Variants in CCDC3 observed in about 807,000 individuals in gnomAD.
CCDC3 encodes the protein coiled-coil domain containing 3.
Under a neutral mutation model 21.4 loss-of-function variants are expected in CCDC3, and 24 were observed. The observed-to-expected ratio is 1.12, with a 90% confidence interval of 0.81 to 1.58. The LOEUF (loss-of-function observed/expected upper bound fraction) is 1.58. Among genes scored for constraint, CCDC3 ranks in the 40% most tolerant of loss-of-function variants. The probability of loss-of-function intolerance (pLI) is 0.00; values close to 1 mark genes in which losing one functional copy is unlikely to be tolerated. For missense variants in CCDC3, 425 were observed against 360.9 expected (o/e 1.18, Z -1.44); for synonymous variants, 186 against 166.0 (o/e 1.12, Z -0.93).
intron 3 of CCDC3, among the ~76,000 whole-genome samples, chr10:13,097,348 C>G (rs1017211261): frequency 6.6e-6 from 1 of 152,192 alleles, no homozygotes; most frequent in Non-Finnish European, 1.5e-5. Context: ...GCCAGGCGTT[C>G]TTCTAGGTGT....
intron 2 of CCDC3, among the ~76,000 whole-genome samples, chr10:12,927,335 C>T (rs2131223118): frequency 6.6e-6 from 1 of 152,288 alleles, no homozygotes; most frequent in East Asian, 1.9e-4. Context: ...TAGCTGATAA[C>T]ATTTGTAAAA....
chr10:13,071,433 C>A (rs1284065120), intron 4 of CCDC3, among the ~76,000 whole-genome samples: 1 of 152,210 alleles, frequency 6.6e-6, no homozygotes, highest in Non-Finnish European at 1.5e-5. Flanking sequence ...GTGAGCATGA[C>A]TAATTCCTGC....
chr10:13,046,029 T>C (rs1437974721), intron 5 of CCDC3, among the ~76,000 whole-genome samples: 1 of 151,964 alleles, frequency 6.6e-6, no homozygotes, highest in Non-Finnish European at 1.5e-5. Context: ...AGGCAGAGGT[T>C]GCAGTAAGCT....
chr10:12,906,108 ACGTCCACGCAGAACGGT>A (rs2131198472), intron 2 of CCDC3, among the ~76,000 whole-genome samples: 1 of 152,326 alleles, frequency 6.6e-6, no homozygotes, highest in East Asian at 1.9e-4. Context: ...GCAGAGAGCC[ACGTCCACGCAGAACGGT>A]TTCCTGAATG....
chr10:12,988,486 G>A (rs550326882), intron 2 of CCDC3, among the ~76,000 whole-genome samples: 43 of 152,204 alleles, frequency 2.8e-4, no homozygotes, highest in African/African-American at 1.0e-3. Context: ...TGGGATTATA[G>A]GTATGTGCCA....
chr10:12,966,700 G>A (rs942315889), intron 2 of CCDC3, among the ~76,000 whole-genome samples: 4 of 152,154 alleles, frequency 2.6e-5, no homozygotes, highest in Non-Finnish European at 4.4e-5. Flanking sequence ...ACAGATACAA[G>A]CCACACTGTA....
chr10:12,968,558 G>C (rs543645124), intron 2 of CCDC3, among the ~76,000 whole-genome samples: 1 of 152,186 alleles, frequency 6.6e-6, no homozygotes, highest in Non-Finnish European at 1.5e-5. Context: ...AAACTCATTT[G>C]TAAAAGTAAG....
intron 4 of CCDC3, among the ~76,000 whole-genome samples, chr10:13,065,898 G>A (rs985313576): frequency 2.6e-5 from 4 of 152,154 alleles, no homozygotes; most frequent in Admixed American, 2.0e-4. Flanking sequence ...TACAATGATA[G>A]GGCACTATAA....
At chr10:12,937,650 A>C (rs1834761650) in intron 2 of CCDC3, among the ~76,000 whole-genome samples, 1 of 152,162 alleles carries the variant, frequency 6.6e-6, no homozygotes, top group Admixed American at 6.5e-5. Context: ...ATTATGAAAG[A>C]GCTCTATGGC....
intron 2 of CCDC3, among the ~76,000 whole-genome samples, chr10:12,962,631 G>T (rs1835197224): frequency 6.6e-6 from 1 of 152,158 alleles, no homozygotes; most frequent in East Asian, 1.9e-4. Context: ...AAATAAAATG[G>T]GCTGTTACAT....
intron 4 of CCDC3, among the ~76,000 whole-genome samples, chr10:13,068,179 C>T (rs981612495): frequency 2.6e-5 from 4 of 152,130 alleles, no homozygotes; most frequent in Non-Finnish European, 5.9e-5. Context: ...GTTTTTGCCT[C>T]CCAGTCATGC....
At chr10:13,090,797 G>A (rs1832558079) in intron 3 of CCDC3, among the ~76,000 whole-genome samples, 1 of 152,196 alleles carries the variant, frequency 6.6e-6, no homozygotes, top group Admixed American at 6.5e-5. Flanking sequence ...ATATTGAAGG[G>A]AGTTTATTAA....
intron 2 of CCDC3, among the ~76,000 whole-genome samples, chr10:12,958,754 C>T (rs546236403): frequency 6.6e-6 from 1 of 152,326 alleles, no homozygotes; most frequent in African/African-American, 2.4e-5. Flanking sequence ...CCCAAGCTGA[C>T]ATCAGCCTCA....
intron 2 of CCDC3, among the ~76,000 whole-genome samples, chr10:12,901,989 G>A (rs907581748): frequency 2.0e-5 from 3 of 152,098 alleles, no homozygotes; most frequent in Non-Finnish European, 4.4e-5. Context: ...TTTCCACCGG[G>A]TCTCCCTGTG....
chr10:12,899,878 G>A (rs976347873), intron 2 of CCDC3, among the ~76,000 whole-genome samples: 6 of 152,196 alleles, frequency 3.9e-5, no homozygotes. Flanking sequence ...GTATTTCATA[G>A]GTTTGGCTGT....
chr10:12,908,838 G>T (rs1371454554), intron 2 of CCDC3, among the ~76,000 whole-genome samples: 1 of 152,098 alleles, frequency 6.6e-6, no homozygotes, highest in Non-Finnish European at 1.5e-5. Context: ...TGGTCCATCC[G>T]CCTTGGCCTC....
intron 5 of CCDC3, among the ~76,000 whole-genome samples, chr10:13,014,379 G>T (rs1172342842): frequency 1.3e-5 from 2 of 150,182 alleles, no homozygotes; most frequent in Non-Finnish European, 3.0e-5. Flanking sequence ...GAACCCAGGA[G>T]TCGGAGCTTG....
rs1450077296 is a variant in CCDC3 at position 13,001,445 on chromosome 10, G to A, written c.126C>T (p.Thr42=). 4 of 1,475,020 alleles carry A rather than the reference G, an allele frequency of 2.7e-6. No homozygotes were observed. Among genetic ancestry groups the A allele is most frequent in the Non-Finnish European group, 3.6e-6 (4 of 1,111,578 alleles). The allele number at this position is 1,475,020 out of a possible 1,614,324, so 91.4% of individuals were successfully genotyped here. A position where few individuals can be genotyped will look rare whatever the true frequency, so the allele number is the denominator to read the frequency against. Residue 42 remains threonine (T), a synonymous_variant, in exon 1 of 3, where the codon ACC becomes ACT. Coordinates refer to ENST00000378825, the MANE Select transcript of CCDC3 (RefSeq NM_031455.4). ...GCGCCAGCACCCTGGCGTACACGATGGTCTCGGCCAGCTCGGCGCGGCAGC... is the reference window on the plus strand; with the variant it reads ...GCGCCAGCACCCTGGCGTACACGATAGTCTCGGCCAGCTCGGCGCGGCAGC... The part of the protein sequence containing the change: ...SEGCRAELAE[T]IVYARVLALH...
At chr10:13,031,692 A>G (rs1381114452) in intron 5 of CCDC3, among the ~76,000 whole-genome samples, 1 of 152,218 alleles carries the variant, frequency 6.6e-6, no homozygotes, top group Non-Finnish European at 1.5e-5. Context: ...ACAAACTACC[A>G]TCAGAGAATA....
Sources: gnomAD v4.1 joint callset for allele counts (sites outside exome capture counted in the v4.1 genomes callset) on GRCh38, gnomAD v4.1.1 for gene constraint, MANE v1.5 for transcripts, NCBI Gene and HGNC (gene_info 2026-07-23, HGNC 2026-07-21) for gene names.